The following ARHGAP6 variants were observed in gnomAD, a reference collection of about 807,000 sequenced individuals.
ARHGAP6 encodes rho GTPase-activating protein 6.
Under a neutral mutation model 55.7 loss-of-function variants are expected in ARHGAP6, and 16 were observed. The observed-to-expected ratio is 0.29, with a 90% confidence interval of 0.19 to 0.44. ARHGAP6 has a LOEUF of 0.44. ARHGAP6 is among the 20% of genes least tolerant of loss of function. The pLI, the probability that ARHGAP6 is intolerant of heterozygous loss-of-function variation, is 1.00. For missense variants in ARHGAP6, 698 were observed against 808.9 expected (o/e 0.86, Z 1.66); for synonymous variants, 382 against 360.9 (o/e 1.06, Z -0.66).
At chrX:11,326,328 A>G (rs997940857) in intron 1 of ARHGAP6, among the ~76,000 whole-genome samples, 1 of 110,520 alleles carries the variant, frequency 9.0e-6, no homozygotes, top group Non-Finnish European at 1.9e-5. Context: ...GGATTTCTCC[A>G]TGTTGGTCAG....
chrX:11,379,988 T>A (rs1225445560), intron 1 of ARHGAP6, among the ~76,000 whole-genome samples: 1 of 111,520 alleles, frequency 9.0e-6, no homozygotes, highest in Non-Finnish European at 1.9e-5. Context: ...AAAAATCACA[T>A]AAAATACCAA....
intron 1 of ARHGAP6, among the ~76,000 whole-genome samples, chrX:11,432,068 C>A (rs1216199998): frequency 8.9e-6 from 1 of 112,520 alleles, no homozygotes; most frequent in Non-Finnish European, 1.9e-5. Context: ...CTAGATATTG[C>A]AGATGTCCCC....
At chrX:11,503,052 C>G (rs1466951026) in intron 1 of ARHGAP6, among the ~76,000 whole-genome samples, 1 of 110,371 alleles carries the variant, frequency 9.1e-6, no homozygotes, top group Non-Finnish European at 1.9e-5. Flanking sequence ...TGCGCCACCA[C>G]GTCTGGCTAA....
At chrX:11,191,013 C>T (rs1034663053) in intron 3 of ARHGAP6, among the ~76,000 whole-genome samples, 5 of 112,777 alleles carry the variant, frequency 4.4e-5, no homozygotes, top group African/African-American at 1.6e-4. Flanking sequence ...CATGCTTTCC[C>T]ACCTGCCATT....
At chrX:11,182,418 AT>A (rs2046326099) in intron 5 of ARHGAP6, among the ~76,000 whole-genome samples, 1 of 111,545 alleles carries the variant, frequency 9.0e-6, no homozygotes, top group Non-Finnish European at 1.9e-5. Context: ...ATTATCCAGA[AT>A]TATTACCTAA....
chrX:11,604,027 T>TG (rs908234968), intron 1 of ARHGAP6, among the ~76,000 whole-genome samples: 4 of 111,377 alleles, frequency 3.6e-5, no homozygotes, highest in African/African-American at 9.8e-5. Context: ...AAGCCCAGGA[T>TG]GAAAGAGTAG....
chrX:11,220,223 G>A (rs2046948194), intron 2 of ARHGAP6, among the ~76,000 whole-genome samples: 1 of 110,976 alleles, frequency 9.0e-6, no homozygotes, highest in Non-Finnish European at 1.9e-5. Flanking sequence ...ATTTCTGAGG[G>A]CTCTGTTCTG....
intron 1 of ARHGAP6, among the ~76,000 whole-genome samples, chrX:11,630,303 A>G (rs1200938743): frequency 9.0e-6 from 1 of 111,679 alleles, no homozygotes; most frequent in African/African-American, 3.3e-5. Context: ...TCTGATTATA[A>G]CCTCTTCAAT....
intron 10 of ARHGAP6, among the ~76,000 whole-genome samples, chrX:11,148,098 C>T (rs994162776): frequency 8.9e-6 from 1 of 111,810 alleles, no homozygotes; most frequent in African/African-American, 3.3e-5. Context: ...CCACAGGACA[C>T]TCAGTGTCAA....
chrX:11,169,232 C>T, intron 9 of ARHGAP6: 1 of 253,982 alleles, frequency 3.9e-6, no homozygotes, highest in Non-Finnish European at 7.0e-6. Context: ...AAGGACACTG[C>T]TTTATAATTA....
At chrX:11,618,887 T>C (rs1442583683) in intron 1 of ARHGAP6, among the ~76,000 whole-genome samples, 1 of 110,553 alleles carries the variant, frequency 9.0e-6, no homozygotes, top group African/African-American at 3.3e-5. Context: ...TCTACCTTTC[T>C]ATAATATTTA....
At chrX:11,287,201 T>G (rs1042179988) in intron 1 of ARHGAP6, among the ~76,000 whole-genome samples, 1 of 112,473 alleles carries the variant, frequency 8.9e-6, no homozygotes, top group African/African-American at 3.2e-5. Context: ...GAGAATATTC[T>G]CTGGTAACAG....
intron 9 of ARHGAP6, 85 bp downstream of exon 9, chrX:11,169,420 G>T (rs1386541980): frequency 2.1e-5 from 20 of 945,574 alleles, no homozygotes; most frequent in Non-Finnish European, 2.9e-5. Context: ...CACCCCAGAG[G>T]GTGGTCTACT....
intron 1 of ARHGAP6, among the ~76,000 whole-genome samples, chrX:11,360,460 C>T (rs28872872): frequency 0.26 from 27,790 of 105,911 alleles, 3,302 homozygotes; most frequent in Middle Eastern, 0.39. Context: ...TCAACAACCC[C>T]TCATGCCAAA....
intron 1 of ARHGAP6, among the ~76,000 whole-genome samples, chrX:11,559,940 A>ATAC (rs2060779967): frequency 9.5e-6 from 1 of 105,665 alleles, no homozygotes; most frequent in Admixed American, 1.0e-4. Flanking sequence ...AATAATAATA[A>ATAC]TAATAATAAT....
At position 11,137,648 on chromosome X, in the gene ARHGAP6, A is replaced by AG. The variant is rs1400671119; in HGVS notation, c.*1214_*1215insC. On this transcript the variant is annotated 3_prime_UTR_variant, in exon 13 of 13. Transcript: ENST00000337414. Reference sequence around the variant, plus strand: ...ATTAAGAGTAGCATGTTTTATAAAAAAAAAAAAAATCTTTTTTTATAATAC... The same window carrying AG: ...ATTAAGAGTAGCATGTTTTATAAAAAGAAAAAAAAATCTTTTTTTATAATAC... 1 of 110,053 alleles carries AG rather than the reference A, an allele frequency of 9.1e-6. No homozygotes were observed. Among genetic ancestry groups the AG allele is most frequent in the Non-Finnish European group, 1.9e-5 (1 of 52,516 alleles). 9.1% of individuals were successfully genotyped at this position (110,053 alleles called of 1,213,427 possible).
At chrX:11,513,079 T>C (rs991733360) in intron 1 of ARHGAP6, among the ~76,000 whole-genome samples, 11 of 111,805 alleles carry the variant, frequency 9.8e-5, no homozygotes, top group African/African-American at 3.3e-4. Context: ...ATATATTCCA[T>C]GTCAGGCTCT....
At chrX:11,597,093 CTG>C (rs1353015674) in intron 1 of ARHGAP6, among the ~76,000 whole-genome samples, 1 of 111,711 alleles carries the variant, frequency 9.0e-6, no homozygotes, top group Non-Finnish European at 1.9e-5. Flanking sequence ...ATGAGCTTAT[CTG>C]TGTTTTTCAC....
intron 1 of ARHGAP6, among the ~76,000 whole-genome samples, chrX:11,358,429 G>GTTTCTTTCTTTCTTTC (rs1569313348): frequency 3.2e-4 from 27 of 85,467 alleles, no homozygotes; most frequent in Non-Finnish European, 5.5e-4. Context: ...CGTTTTAACT[G>GTTTCTTTCTTTCTTTC]TATCTTTCTT....
Sources: allele counts gnomAD v4.1 joint callset (sites outside exome capture counted in the v4.1 genomes callset), GRCh38; gene constraint gnomAD v4.1.1; transcripts MANE v1.5; gene names NCBI Gene and HGNC (gene_info 2026-07-23, HGNC 2026-07-21).